The following FHOD1 variants were observed in gnomAD, a reference collection of about 807,000 sequenced individuals.
FHOD1 encodes FH1/FH2 domain-containing protein 1.
In FHOD1, 89 loss-of-function variants were observed where a neutral mutation model predicts 111.6. The observed-to-expected ratio is 0.80, with a 90% confidence interval of 0.67 to 0.95. The LOEUF is 0.95. Among genes scored for constraint, FHOD1 ranks in the 40% least tolerant of loss-of-function variants. FHOD1 has a pLI of 0.00. For missense variants in FHOD1, 1,446 were observed against 1,554.2 expected (o/e 0.93, Z 1.17); for synonymous variants, 618 against 639.0 (o/e 0.97, Z 0.50).
Position 67,234,036 on chromosome 16 carries a change from T to A in FHOD1, c.1667A>T (p.Asp556Val). ...FSDLGEDEDQ[D>V]MLNVESVEAG... ...CTCCACAGACTCTACATTCAGCATGTCCTGGTCTTCATCCTCCCCTAGATC... is the reference window on the plus strand; with the variant it reads ...CTCCACAGACTCTACATTCAGCATGACCTGGTCTTCATCCTCCCCTAGATC... Residue 556 changes from aspartate (D) to valine (V), a missense_variant, in exon 13 of 22, where the codon GAC becomes GTC. By Grantham distance (152) the Asp-to-Val change is radical. This residue lies in a region of FHOD1 where 1,085 missense variants were observed against 1,108.8 expected (regional missense o/e 0.98). Coordinates refer to ENST00000258201, the MANE Select transcript of FHOD1 (RefSeq NM_013241.3). The A allele has an allele frequency of 6.2e-7, 1 of 1,613,836 alleles. No individual in the cohort carries two copies. The highest frequency in any genetic ancestry group is 8.5e-7 in the Non-Finnish European group (1 of 1,179,980).
rs1202888605 is a variant in FHOD1, at chr16:67,236,696, A to G, written c.1180T>C (p.Ser394Pro). 1.9e-6 allele frequency: 3 copies of G among 1,582,564 alleles called. No individual in the cohort carries two copies. Among genetic ancestry groups the G allele is most frequent in the Non-Finnish European group, 2.6e-6 (3 of 1,164,790 alleles). The change falls in exon 11 of 22, where the codon TCC becomes CCC. Residue 394 changes from serine to proline, a missense_variant. Transcript: ENST00000258201. Reference sequence around the variant, plus strand: ...CCTGTCAGCAGGGCGGGGCCGGTGGAAGAGGTGGGGCCTACCGGTGAGGCG... The same window carrying G: ...CCTGTCAGCAGGGCGGGGCCGGTGGGAGAGGTGGGGCCTACCGGTGAGGCG... Reference protein sequence around the residue: ...GPASPVGPTSSTGPALLTGPA... With the variant: ...GPASPVGPTSPTGPALLTGPA...
At chr16:67,230,820 T>TC (rs755804447) in intron 17 of FHOD1, 29 bp from the exon 18 acceptor site, 7 of 1,555,068 alleles carry the variant, frequency 4.5e-6, no homozygotes, top group South Asian at 2.4e-5. Context: ...GCACATACTG[T>TC]CCCCCCACAC....
At position 67,238,581 on chromosome 16, in the gene FHOD1, G is replaced by A. The variant is rs891161625; in HGVS notation, c.374-134C>T. 4.5e-6 allele frequency: 4 copies of A among 888,070 alleles called. No homozygotes were observed. The highest frequency in any genetic ancestry group is 7.2e-6 in the Non-Finnish European group (4 of 554,634). 55.0% of individuals were successfully genotyped at this position (888,070 alleles called of 1,614,324 possible). On this transcript the variant is annotated intron_variant, in intron 3 of 21. Transcript: ENST00000258201. This position sits in a 1 kb window ranked among gnomAD's most constrained non-coding sequence, Gnocchi z 4.2. ...GGTCTGAGAGACAGGGTCTCACTCT[G>A]TCACTCAGGCTGGAGTGTGGAGTGC...
At chr16:67,246,922 C>A in intron 1 of FHOD1, 2 of 450,716 alleles carry the variant, frequency 4.4e-6, no homozygotes, top group East Asian at 7.8e-5. Context: ...GGGAAGCCAC[C>A]CTGGCAGACC....
Position 67,229,718 on chromosome 16 carries a change from A to G in FHOD1, c.3413T>C (p.Leu1138Ser). ...GAGCCCACTCTTCAACGTCCTTCTC[A>G]CTGCAGGGACAGAGCAGGGTTGGAG... ...RKRSRGNRKS[L>S]RRTLKSGLGD... Residue 1138 changes from leucine (L) to serine (S), a missense_variant and splice_region_variant, in exon 22 of 22, where the codon TTG becomes TCG. By Grantham distance (145) the Leu-to-Ser change is moderately radical. Coordinates refer to ENST00000258201, the MANE Select transcript of FHOD1 (RefSeq NM_013241.3). 6.2e-7 allele frequency: 1 copy of G among 1,614,122 alleles called. No homozygotes were observed. The highest frequency in any genetic ancestry group is 8.5e-7 in the Non-Finnish European group (1 of 1,179,974).
At position 67,247,217 on chromosome 16, in the gene FHOD1, G is replaced by A; in HGVS notation, c.194C>T (p.Pro65Leu). ...TTCTCCGGCCTCCCTCACCTTGAGC[G>A]GCGCTCCCAGCAGGCGGTGCACCGC... is the stretch of plus-strand genomic sequence containing the variant. ...IPAVHRLLGAPLKLEDCALQV... is the reference protein window; with the variant it reads ...IPAVHRLLGALLKLEDCALQV... The change falls in exon 1 of 22, where the codon CCG becomes CTG. Residue 65 changes from proline (P) to leucine (L), a missense_variant. Pro to Leu is a moderately conservative substitution (Grantham distance 98). Transcript: ENST00000258201. The A allele has an allele frequency of 1.9e-6, 3 of 1,579,414 alleles. No homozygotes were observed. Among genetic ancestry groups the A allele is most frequent in the East Asian group, 2.3e-5 (1 of 43,058 alleles).
At position 67,236,684 on chromosome 16, in the gene FHOD1, C is replaced by T. The variant is rs2034490802; in HGVS notation, c.1192G>A (p.Ala398Thr). The change falls in exon 11 of 22, where the codon GCC (alanine) becomes ACC (threonine). Residue 398 changes from alanine to threonine, a missense_variant. By Grantham distance (58) the Ala-to-Thr change is moderately conservative (BLOSUM62 0). Transcript: ENST00000258201. Reference protein sequence around the residue: ...PVGPTSSTGPALLTGPASSPV... With the variant: ...PVGPTSSTGPTLLTGPASSPV... ...CTGGAGGCGGGGCCTGTCAGCAGGG[C>T]GGGGCCGGTGGAAGAGGTGGGGCCT... 6.3e-7 allele frequency: 1 copy of T among 1,590,802 alleles called. No homozygotes were observed. Among genetic ancestry groups the T allele is most frequent in the Admixed American group, 1.8e-5 (1 of 56,346 alleles).
Position 67,246,995 on chromosome 16 carries a change from C to A in FHOD1, c.201+215G>T, listed in dbSNP as rs561815063. On this transcript the variant is annotated intron_variant, in intron 1 of 21. Coordinates refer to ENST00000258201, the MANE Select transcript of FHOD1 (RefSeq NM_013241.3). Reference sequence around the variant, plus strand: ...CTAATTCGAAGGGCAGTCAGAATGGCGGAGCCAAGTTCCTGGCACCCCTCT... The same window carrying A: ...CTAATTCGAAGGGCAGTCAGAATGGAGGAGCCAAGTTCCTGGCACCCCTCT... 10 of 563,516 alleles carry A rather than the reference C, an allele frequency of 1.8e-5. No homozygotes were observed. The East Asian group carries it at 3.0e-4, about 17-fold the overall frequency. 34.9% of individuals were successfully genotyped at this position (563,516 alleles called of 1,614,324 possible).
At chr16:67,241,012 A>T (rs1312191076) in intron 1 of FHOD1, among the ~76,000 whole-genome samples, 5 of 151,782 alleles carry the variant, frequency 3.3e-5, no homozygotes, top group African/African-American at 1.2e-4. Flanking sequence ...AAGGGAGTCC[A>T]GCTCCTGCCT....
intron 13 of FHOD1, 57 bp from the exon 14 acceptor site, chr16:67,232,251 C>T: frequency 6.3e-7 from 1 of 1,584,620 alleles, no homozygotes; most frequent in African/African-American, 1.3e-5. Context: ...GACGCGGTGG[C>T]TCACGCCTGT....
In FHOD1 at chr16:67,239,293, T is replaced by C. The variant is rs2034600901; in HGVS notation, c.308+55A>G. On this transcript the variant is annotated intron_variant, in intron 2 of 21. Coordinates refer to ENST00000258201, the MANE Select transcript of FHOD1 (RefSeq NM_013241.3). ...GTGTCTCAGCTGCTGACATTTGAGC[T>C]AGCCCCTGGCAAGGGTGGGGGTAAC... 5 of 1,361,290 alleles carry C rather than the reference T, an allele frequency of 3.7e-6. No individual in the cohort carries two copies. In the Middle Eastern group the frequency reaches 5.4e-4, roughly 146 times the overall value. 84.3% of individuals were successfully genotyped at this position (1,361,290 alleles called of 1,614,324 possible).
At chr16:67,236,364 G>T (rs2034474666) in intron 11 of FHOD1, 193 bp downstream of exon 11, 5 of 1,435,446 alleles carry the variant, frequency 3.5e-6, no homozygotes, top group Non-Finnish European at 4.5e-6. Context: ...ACCACAGGAG[G>T]AGGAGATCCA....
At position 67,234,183 on chromosome 16, in the gene FHOD1, G is replaced by C. The variant is rs770549814; in HGVS notation, c.1520C>G (p.Ala507Gly). ...GGGCTCTGGTGCAAGGCTTCGCTGG[G>C]CCCGGAGCAGGACACAGGGGGCAGG... ...QSPAPCVLLR[A>G]QRSLAPEPKE... The change falls in exon 13 of 22, where the codon GCC becomes GGC. Residue 507 changes from alanine (A) to glycine (G), a missense_variant. By Grantham distance (60) the Ala-to-Gly change is moderately conservative. Coordinates refer to ENST00000258201, the MANE Select transcript of FHOD1 (RefSeq NM_013241.3). The C allele has an allele frequency of 3.8e-5, 59 of 1,550,906 alleles. No individual in the cohort carries two copies. The highest frequency in any genetic ancestry group is 4.8e-5 in the Non-Finnish European group (55 of 1,146,550).
In FHOD1 at chr16:67,236,571, C is replaced by G. The variant is rs769856041; in HGVS notation, c.1305G>C (p.Glu435Asp). 1 of 1,613,214 alleles carries G rather than the reference C, an allele frequency of 6.2e-7. No homozygotes were observed. Among genetic ancestry groups the G allele is most frequent in the Non-Finnish European group, 8.5e-7 (1 of 1,179,784 alleles). Residue 435 changes from glutamate to aspartate, a missense_variant, in exon 11 of 22, where the codon GAG becomes GAC. By Grantham distance (45) the Glu-to-Asp change is conservative. Around this residue, in one of 3 missense-constraint regions of FHOD1, gnomAD observed 1,085 missense variants for 1,108.8 expected, o/e 0.98. Coordinates refer to ENST00000258201, the MANE Select transcript of FHOD1 (RefSeq NM_013241.3). ...SVAPSADTSS[E>D]RSIYKARFLE... Reference sequence around the variant, plus strand: ...TCCCTACTTACTTGTAGATGCTCCTCTCGCTGGAGGTGTCAGCTGAGGGTG... The same window carrying G: ...TCCCTACTTACTTGTAGATGCTCCTGTCGCTGGAGGTGTCAGCTGAGGGTG...
chr16:67,234,405 C>T lies in FHOD1; in HGVS notation c.1387G>A (p.Ala463Thr), dbSNP rs1242116105. ...GGCATGGCCCCGGCAAGTGTCTCTG[C>T]CCGGCCCTGGGCCAGCGCAACCTGC... ...EKQVALAQGR[A>T]ETLAGAMPNE... Residue 463 changes from alanine to threonine, a missense_variant, in exon 12 of 22, where the codon GCA becomes ACA. Physicochemically the swap from Ala to Thr is moderately conservative, Grantham distance 58 (BLOSUM62 0). Coordinates refer to ENST00000258201, the MANE Select transcript of FHOD1 (RefSeq NM_013241.3). 2.5e-6 allele frequency: 4 copies of T among 1,609,816 alleles called. No individual in the cohort carries two copies. Among genetic ancestry groups the T allele is most frequent in the Middle Eastern group, 1.6e-4 (1 of 6,078 alleles).
rs1451228303 is a variant in FHOD1 at position 67,231,857 on chromosome 16, T to A, written c.2203-38A>T. 1 of 1,600,480 alleles carries A rather than the reference T, an allele frequency of 6.2e-7. No homozygotes were observed. Among genetic ancestry groups the A allele is most frequent in the African/African-American group, 1.3e-5 (1 of 74,570 alleles). On this transcript the variant is annotated intron_variant, in intron 14 of 21. Coordinates refer to ENST00000258201, the MANE Select transcript of FHOD1 (RefSeq NM_013241.3). The surrounding 1 kb of genome is among the most constrained non-coding windows in gnomAD (Gnocchi z 4.3). Reference sequence around the variant, plus strand: ...CCAGAGCCTGACATGGCCCCCTCAATGCAGGCCTGAGGCCTGAGGCATTGG... The same window carrying A: ...CCAGAGCCTGACATGGCCCCCTCAAAGCAGGCCTGAGGCCTGAGGCATTGG...
In FHOD1 at chr16:67,234,074, G is replaced by A; in HGVS notation, c.1629C>T (p.Asp543=). Residue 543 remains aspartate, a synonymous_variant, in exon 13 of 22, where the codon GAC becomes GAT. Coordinates refer to ENST00000258201, the MANE Select transcript of FHOD1 (RefSeq NM_013241.3). The stretch of plus-strand genomic sequence containing the variant: ...CCTCCCCTAGATCTGAAAAGTCCAG[G>A]TCCCCAATAGAGAGCCTGGGTGCAC... ...PTRAPRLSIG[D]LDFSDLGEDE... 6.2e-7 allele frequency: 1 copy of A among 1,611,120 alleles called. No individual in the cohort carries two copies. Among genetic ancestry groups the A allele is most frequent in the Non-Finnish European group, 8.5e-7 (1 of 1,177,960 alleles).
At position 67,237,452 on chromosome 16, in the gene FHOD1, T is replaced by A; in HGVS notation, c.849+23A>T. 1.2e-6 allele frequency: 2 copies of A among 1,614,182 alleles called. No homozygotes were observed. The highest frequency in any genetic ancestry group is 1.7e-6 in the Non-Finnish European group (2 of 1,180,030). On this transcript the variant is annotated intron_variant, in intron 8 of 21. Transcript: ENST00000258201. The surrounding 1 kb of genome is among the most constrained non-coding windows in gnomAD (Gnocchi z 5.6). ...GTCAGGAGCCTGAGCATCCCAGAGC[T>A]GGCACCCAGTCCTTGGCCACACCTT...
chr16:67,234,485 G>A lies in FHOD1; in HGVS notation c.1320-13C>T, dbSNP rs191952208. The A allele has an allele frequency of 6.5e-4, 1,010 of 1,564,902 alleles. 1 individual carries two copies. The highest frequency in any genetic ancestry group is 8.4e-4 in the Non-Finnish European group (973 of 1,157,868). ...CAGGAACCGGGCTCTGAGGGAAGGT[G>A]CTTGTCACTGACAGCGTCTGACACA... is the stretch of plus-strand genomic sequence containing the variant. On this transcript the variant is annotated splice_polypyrimidine_tract_variant and intron_variant, in intron 11 of 21. Coordinates refer to ENST00000258201, the MANE Select transcript of FHOD1 (RefSeq NM_013241.3).
Sources: gnomAD v4.1 joint callset for allele counts (sites outside exome capture counted in the v4.1 genomes callset) on GRCh38, gnomAD v4.1.1 for gene constraint, gnomAD v4.1.1 regional missense constraint, Gnocchi (gnomAD v3.1) non-coding constraint, MANE v1.5 for transcripts, NCBI Gene and HGNC (gene_info 2026-07-23, HGNC 2026-07-21) for gene names.